Variants in GAS7 observed in about 807,000 individuals in gnomAD.
GAS7 encodes growth arrest-specific protein 7.
GAS7 carries 28 observed loss-of-function variants against 71.1 expected under a neutral mutation model. That is an observed-to-expected ratio of 0.39 (90% CI 0.29 to 0.54). The LOEUF (loss-of-function observed/expected upper bound fraction) is 0.54, where lower values mean the gene tolerates loss of function less well. Ranked by LOEUF, GAS7 falls within the 20% of genes least tolerant of loss-of-function variation. GAS7 has a pLI of 0.62. For missense variants in GAS7, 436 were observed against 627.8 expected, an observed-to-expected ratio of 0.69 and a Z score of 3.27; for synonymous variants, 258 against 245.8, an observed-to-expected ratio of 1.05 and a Z score of -0.46.
intron 1 of GAS7, among the ~76,000 whole-genome samples, chr17:10,179,674 G>A (rs2074399629): frequency 6.6e-6 from 1 of 152,132 alleles, no homozygotes; most frequent in African/African-American, 2.4e-5. Flanking sequence ...GGGCAAAAAT[G>A]TCTTCAATGA....
intron 1 of GAS7, among the ~76,000 whole-genome samples, chr17:10,073,012 G>A (rs535972129): frequency 7.2e-5 from 11 of 152,288 alleles, no homozygotes; most frequent in African/African-American, 2.2e-4. Flanking sequence ...CAGGTGGCAC[G>A]ATGGAAATAG....
At chr17:9,924,339 A>G (rs1176639198) in intron 11 of GAS7, among the ~76,000 whole-genome samples, 2 of 151,876 alleles carry the variant, frequency 1.3e-5, no homozygotes, top group Non-Finnish European at 2.9e-5. Flanking sequence ...TGCCTAGCTA[A>G]TTTTTTCAAA....
intron 1 of GAS7, among the ~76,000 whole-genome samples, chr17:10,077,906 A>G (rs1355442984): frequency 6.6e-6 from 1 of 152,240 alleles, no homozygotes. Flanking sequence ...GAAGGAAGAT[A>G]AAGATGACAA....
At chr17:9,939,899 G>C (rs75455559) in intron 8 of GAS7, among the ~76,000 whole-genome samples, 1 of 152,030 alleles carries the variant, frequency 6.6e-6, no homozygotes, top group Non-Finnish European at 1.5e-5. Context: ...TGAGCCACCC[G>C]CCCGGCTGGA....
intron 1 of GAS7, among the ~76,000 whole-genome samples, chr17:10,124,448 G>A (rs903053852): frequency 6.6e-6 from 1 of 152,188 alleles, no homozygotes; most frequent in Non-Finnish European, 1.5e-5. Context: ...CCACACATGC[G>A]CACAAATCCC....
intron 2 of GAS7, among the ~76,000 whole-genome samples, chr17:10,005,748 C>T (rs1034945255): frequency 3.9e-5 from 6 of 152,174 alleles, no homozygotes; most frequent in African/African-American, 1.4e-4. Context: ...GACATCTACC[C>T]TCCCTGTGTC....
At chr17:10,128,850 ACCTC>A (rs34722990) in intron 1 of GAS7, among the ~76,000 whole-genome samples, 55,267 of 151,228 alleles carry the variant, frequency 0.37, 10,713 homozygotes, top group East Asian at 0.51. Context: ...CGATCTCCTG[ACCTC>A]CCTCGTGATC....
At chr17:9,951,932 C>T (rs1363987261) in intron 5 of GAS7, among the ~76,000 whole-genome samples, 1 of 152,056 alleles carries the variant, frequency 6.6e-6, no homozygotes, top group East Asian at 1.9e-4. Context: ...CACCGTGCAC[C>T]CCAGCAGGCC....
At chr17:10,020,223 G>A (rs889741822) in intron 1 of GAS7, 10 of 242,198 alleles carry the variant, frequency 4.1e-5, no homozygotes, top group Admixed American at 1.6e-4. Flanking sequence ...GCTTGCAAGG[G>A]GGCCCTGTCA....
intron 8 of GAS7, 129 bp downstream of exon 8, chr17:9,939,997 C>T: frequency 2.7e-6 from 2 of 734,274 alleles, no homozygotes; most frequent in East Asian, 2.5e-5. Flanking sequence ...GAGTGCCCAC[C>T]TTGAGCCAGG....
intron 1 of GAS7, among the ~76,000 whole-genome samples, chr17:10,083,429 G>A (rs1322021112): frequency 6.6e-6 from 1 of 152,176 alleles, no homozygotes; most frequent in Non-Finnish European, 1.5e-5. Flanking sequence ...CGGTGATGCA[G>A]GATTTTTCTC....
intron 8 of GAS7, among the ~76,000 whole-genome samples, chr17:9,936,124 C>T (rs893804626): frequency 3.9e-5 from 6 of 152,230 alleles, no homozygotes; most frequent in African/African-American, 7.2e-5. Context: ...CCCTACCTCA[C>T]ACCATACACA....
chr17:10,148,637 C>T (rs2142104886), intron 1 of GAS7, among the ~76,000 whole-genome samples: 1 of 147,984 alleles, frequency 6.8e-6, no homozygotes, highest in Non-Finnish European at 1.5e-5. Flanking sequence ...AAAGGCCAGG[C>T]GCGGTGGCTC....
chr17:9,989,179 G>A (rs1221230800), intron 2 of GAS7, among the ~76,000 whole-genome samples: 1 of 151,988 alleles, frequency 6.6e-6, no homozygotes, highest in African/African-American at 2.4e-5. Context: ...AGTGAGAAGT[G>A]GCATCTCTGG....
At chr17:10,128,686 C>A (rs1196684456) in intron 1 of GAS7, among the ~76,000 whole-genome samples, 1 of 147,530 alleles carries the variant, frequency 6.8e-6, no homozygotes, top group African/African-American at 2.5e-5. Context: ...GCGGCGTGAT[C>A]TCGGCTCACT....
chr17:10,124,372 G>A (rs1485182418), intron 1 of GAS7, among the ~76,000 whole-genome samples: 2 of 111,326 alleles, frequency 1.8e-5, no homozygotes, highest in African/African-American at 5.8e-5. Context: ...AAAGGAAAGC[G>A]CAGCCTCCAC....
rs1427748368 is a variant in GAS7, at chr17:10,198,586, C to T, written c.-196G>A. The stretch of plus-strand genomic sequence containing the variant: ...GCGCCGGGAAGCAGAGACTCGTTGG[C>T]TTCGCAGAGCGAGCGGCGACGCCCC... On this transcript the variant is annotated 5_prime_UTR_variant, in exon 1 of 14. Coordinates refer to ENST00000432992, the MANE Select transcript of GAS7 (RefSeq NM_201433.2). The T allele has an allele frequency of 1.1e-5, 4 of 364,852 alleles. No individual in the cohort carries two copies. The highest frequency in any genetic ancestry group is 1.5e-5 in the Non-Finnish European group (3 of 206,636). The allele number at this position is 364,852 out of a possible 1,614,324, so 22.6% of individuals were successfully genotyped here. A position where few individuals can be genotyped will look rare whatever the true frequency, so the allele number is the denominator to read the frequency against.
chr17:10,125,563 T>C (rs1234599284), intron 1 of GAS7, among the ~76,000 whole-genome samples: 1 of 142,286 alleles, frequency 7.0e-6, no homozygotes, highest in Non-Finnish European at 1.5e-5. Context: ...CAAACAACTG[T>C]GTGTATAATA....
Position 10,046,534 on chromosome 17 carries a change from C to A in GAS7, c.184-26637G>T, listed in dbSNP as rs547075368. On this transcript the variant is annotated intron_variant, in intron 1 of 13. Transcript: ENST00000432992. ...GGGCAGATCATGAGGTCAGGAGTTC[C>A]AGACCAGCCTGGCCAATATAGTGAA... Among the ~76,000 whole-genome samples, 1,007 of 151,688 alleles carry A rather than the reference C, an allele frequency of 6.6e-3. 14 individuals are homozygous for A. The highest frequency in any genetic ancestry group is 0.023 in the African/African-American group (966 of 41,294).
Sources: gnomAD v4.1 joint callset for allele counts (sites outside exome capture counted in the v4.1 genomes callset) on GRCh38, gnomAD v4.1.1 for gene constraint, MANE v1.5 for transcripts, NCBI Gene and HGNC (gene_info 2026-07-23, HGNC 2026-07-21) for gene names.